MYO16: variants seen among roughly 807,000 people sequenced by gnomAD.
MYO16 encodes the protein myosin XVI.
MYO16 carries 94 observed loss-of-function variants against 205.3 expected under a neutral mutation model. The observed-to-expected ratio is 0.46, with a 90% CI of 0.39 to 0.54. The LOEUF (loss-of-function observed/expected upper bound fraction) is 0.54, where lower values mean the gene tolerates loss of function less well. Among genes scored for constraint, MYO16 ranks in the 20% least tolerant of loss-of-function variants. The pLI is 0.00. For missense variants in MYO16, 2,315 were observed against 2,387.5 expected, an observed-to-expected ratio of 0.97 and a Z score of 0.63; for synonymous variants, 988 against 954.0, an observed-to-expected ratio of 1.04 and a Z score of -0.66.
chr13:108,960,882 C>T (rs1424670209), intron 17 of MYO16, among the ~76,000 whole-genome samples: 1 of 152,220 alleles, frequency 6.6e-6, no homozygotes, highest in Non-Finnish European at 1.5e-5. Context: ...TCAGCATTCT[C>T]TTACTTCCTG....
intron 12 of MYO16, among the ~76,000 whole-genome samples, chr13:108,877,071 AT>A (rs1364217872): frequency 6.6e-6 from 1 of 152,094 alleles, no homozygotes; most frequent in African/African-American, 2.4e-5. Context: ...TCCCTCTAGA[AT>A]TTTCTTGTAA....
At chr13:108,667,782 A>G (rs369621726) in intron 2 of MYO16, among the ~76,000 whole-genome samples, 1 of 152,336 alleles carries the variant, frequency 6.6e-6, no homozygotes, top group East Asian at 1.9e-4. Flanking sequence ...ATGGTGGCTC[A>G]TACCTATAAT....
At chr13:108,817,933 G>T (rs1875722559) in intron 7 of MYO16, among the ~76,000 whole-genome samples, 1 of 152,044 alleles carries the variant, frequency 6.6e-6, no homozygotes, top group South Asian at 2.1e-4. Context: ...ATAAAAAATT[G>T]CTTTTTCTCT....
chr13:108,620,912 C>T (rs75306986), intron 1 of MYO16, among the ~76,000 whole-genome samples: 2,198 of 152,306 alleles, frequency 0.014, 55 homozygotes, highest in South Asian at 0.074. Flanking sequence ...TGAGAAGGAA[C>T]AGAGCCTCCC....
chr13:108,943,837 G>A (rs1388255594), intron 16 of MYO16, among the ~76,000 whole-genome samples: 3 of 152,056 alleles, frequency 2.0e-5, no homozygotes. Flanking sequence ...CGCCCGCCTC[G>A]GCCTCCCAGA....
chr13:109,004,493 T>C lies in MYO16; in HGVS notation c.2443-4404T>C, dbSNP rs371795745. On this transcript the variant is annotated intron_variant, in intron 21 of 34. Coordinates refer to ENST00000457511, the MANE Select transcript of MYO16 (RefSeq NM_001198950.3). ...AGTGAAATAGTTTAAACAGTTTTTA[T>C]TTCTTTTTAACAATTTTTATTTTTT... Among the ~76,000 whole-genome samples, 217 of 152,360 alleles carry C rather than the reference T, an allele frequency of 1.4e-3. 3 individuals carry two copies. In the South Asian group the frequency reaches 0.024, roughly 17 times the overall value.
At chr13:108,952,874 T>A (rs1883209095) in intron 16 of MYO16, among the ~76,000 whole-genome samples, 1 of 152,132 alleles carries the variant, frequency 6.6e-6, no homozygotes, top group Admixed American at 6.5e-5. Context: ...AATATTAAGT[T>A]AAAGGGTATG....
intron 27 of MYO16, among the ~76,000 whole-genome samples, chr13:109,062,453 G>A (rs9521147): frequency 0.5 from 75,264 of 151,866 alleles, 18,660 homozygotes; most frequent in Middle Eastern, 0.55. Flanking sequence ...ATGAGAAATG[G>A]TACTTTTAGG....
intron 4 of MYO16, among the ~76,000 whole-genome samples, chr13:108,737,020 G>A (rs1207818296): frequency 2.0e-5 from 3 of 152,158 alleles, no homozygotes; most frequent in Non-Finnish European, 4.4e-5. Flanking sequence ...TTGCTTATCA[G>A]CTTAAGGAGA....
At chr13:108,914,412 C>G (rs943458853) in intron 16 of MYO16, among the ~76,000 whole-genome samples, 14 of 152,044 alleles carry the variant, frequency 9.2e-5, no homozygotes, top group African/African-American at 2.9e-4. Flanking sequence ...TCACTTATCC[C>G]ACAGTGTAGC....
chr13:108,702,616 G>T (rs1395678879), intron 2 of MYO16, among the ~76,000 whole-genome samples: 1 of 152,078 alleles, frequency 6.6e-6, no homozygotes, highest in Non-Finnish European at 1.5e-5. Flanking sequence ...GCACTTGGAA[G>T]TTAAACACAT....
the MYO16 span, among the ~76,000 whole-genome samples, chr13:108,555,689 A>G: frequency 6.6e-6 from 1 of 152,202 alleles, no homozygotes; most frequent in Non-Finnish European, 1.5e-5. Context: ...GATCTGTTGA[A>G]CATATTCTAT....
intron 12 of MYO16, among the ~76,000 whole-genome samples, chr13:108,869,248 C>T (rs1009920410): frequency 6.6e-6 from 1 of 152,112 alleles, no homozygotes; most frequent in Non-Finnish European, 1.5e-5. Flanking sequence ...AGTCTTTTAA[C>T]TATATTCATT....
intron 23 of MYO16, among the ~76,000 whole-genome samples, chr13:109,039,297 T>C (rs559776706): frequency 6.6e-6 from 1 of 152,218 alleles, no homozygotes; most frequent in African/African-American, 2.4e-5. Flanking sequence ...AACAATGACA[T>C]AGGCAATCGG....
At chr13:108,988,443 T>G (rs549285909) in intron 20 of MYO16, among the ~76,000 whole-genome samples, 1 of 152,330 alleles carries the variant, frequency 6.6e-6, no homozygotes, top group East Asian at 1.9e-4. Context: ...AATTTTCTTT[T>G]TTTTTTAAAA....
At chr13:108,573,995 CA>C in the MYO16 span, among the ~76,000 whole-genome samples, 2 of 152,066 alleles carry the variant, frequency 1.3e-5, no homozygotes, top group Admixed American at 1.3e-4. Context: ...GGACCACAGG[CA>C]CATGTCAGCA....
At chr13:109,117,080 T>C (rs1202301494) in intron 28 of MYO16, among the ~76,000 whole-genome samples, 1 of 152,066 alleles carries the variant, frequency 6.6e-6, no homozygotes, top group African/African-American at 2.4e-5. Context: ...TCTTTTTCCT[T>C]TTATTTCCTC....
At chr13:108,972,355 T>C (rs1884074439) in intron 20 of MYO16, among the ~76,000 whole-genome samples, 1 of 17,692 alleles carries the variant, frequency 5.7e-5, no homozygotes, top group Non-Finnish European at 1.1e-4. Context: ...TATAGCCATA[T>C]ATATATATAT....
chr13:108,866,094 C>A, intron 11 of MYO16, 83 bp from the exon 12 acceptor site: 1 of 865,664 alleles, frequency 1.2e-6, no homozygotes, highest in Non-Finnish European at 1.7e-6. Context: ...ATTTCATACA[C>A]TGGTTTTTAA....
Sources: allele counts gnomAD v4.1 joint callset (sites outside exome capture counted in the v4.1 genomes callset), GRCh38; gene constraint gnomAD v4.1.1; transcripts MANE v1.5; gene names NCBI Gene and HGNC (gene_info 2026-07-23, HGNC 2026-07-21).